The following ENPP3 variants were observed in gnomAD, a reference collection of about 807,000 sequenced individuals.
The protein encoded by ENPP3 is ectonucleotide pyrophosphatase/phosphodiesterase 3.
Under a neutral mutation model 117.8 loss-of-function variants are expected in ENPP3, and 104 were observed. That is an observed-to-expected ratio of 0.88 (90% CI 0.75 to 1.04). The LOEUF is 1.04. Among genes scored for constraint, ENPP3 ranks in the 50% least tolerant of loss-of-function variants. The probability of loss-of-function intolerance (pLI) is 0.00; values close to 1 mark genes in which losing one functional copy is unlikely to be tolerated. For synonymous variants in ENPP3, 380 were observed against 349.9 expected (o/e 1.09, Z -0.96); for missense variants, 1,026 against 1,051.9 (o/e 0.98, Z 0.34).
At chr6:131,720,063 A>G (rs1189803827) in intron 16 of ENPP3, among the ~76,000 whole-genome samples, 1 of 152,138 alleles carries the variant, frequency 6.6e-6, no homozygotes, top group East Asian at 1.9e-4. Context: ...GGTGCTATGG[A>G]GGTGGGTAGA....
chr6:131,730,194 A>G (rs1458705771), intron 20 of ENPP3, among the ~76,000 whole-genome samples: 1 of 152,226 alleles, frequency 6.6e-6, no homozygotes, highest in Non-Finnish European at 1.5e-5. Flanking sequence ...AGGAAATATC[A>G]AACTCACAAT....
chr6:131,720,871 T>G (rs1309368162), intron 17 of ENPP3, among the ~76,000 whole-genome samples: 1 of 152,112 alleles, frequency 6.6e-6, no homozygotes, highest in East Asian at 1.9e-4. Flanking sequence ...GGGCATGAGC[T>G]ACCATGCCCA....
chr6:131,688,424 G>A (rs556627708), intron 14 of ENPP3, among the ~76,000 whole-genome samples: 1 of 152,314 alleles, frequency 6.6e-6, no homozygotes, highest in African/African-American at 2.4e-5. Flanking sequence ...AATGAGGAAG[G>A]CATGTTGAAA....
intron 3 of ENPP3, among the ~76,000 whole-genome samples, chr6:131,652,159 T>C (rs1033773752): frequency 4.6e-5 from 7 of 152,234 alleles, no homozygotes; most frequent in Admixed American, 1.3e-4. Flanking sequence ...TGTCACCTTT[T>C]CTTCCTTGCT....
intron 15 of ENPP3, chr6:131,710,775 C>T (rs1585702310): frequency 2.5e-6 from 4 of 1,613,124 alleles, no homozygotes; most frequent in East Asian, 2.2e-5. Flanking sequence ...GTCCAGAAAG[C>T]GTTGCACCAA....
intron 18 of ENPP3, 111 bp from the exon 19 acceptor site, chr6:131,723,929 G>T (rs1780091485): frequency 1.5e-6 from 1 of 688,118 alleles, no homozygotes; most frequent in Non-Finnish European, 2.5e-6. Flanking sequence ...AGCTTCTTTG[G>T]CAGTATAACA....
At chr6:131,743,533 A>G (rs894677221) in intron 24 of ENPP3, among the ~76,000 whole-genome samples, 1 of 152,122 alleles carries the variant, frequency 6.6e-6, no homozygotes, top group East Asian at 1.9e-4. Context: ...ATGAAGTTAC[A>G]TTCTAAAGTC....
intron 24 of ENPP3, among the ~76,000 whole-genome samples, chr6:131,744,937 T>G (rs1042434516): frequency 2.0e-5 from 3 of 152,186 alleles, no homozygotes; most frequent in African/African-American, 7.2e-5. Context: ...AGCTGGCTTC[T>G]GTTCAGATTA....
chr6:131,675,182 TA>T lies in ENPP3; in HGVS notation c.866del (p.Tyr289SerfsTer15). Reference protein sequence around the residue: ...NGSFPSIYMPYNGSVPFEERI... With the variant: ...NGSFPSIYMPXNGSVPFEERI... ...CTCCTTTCCTTCCATATACATGCCT[TA>T]CAACGGGTAGTGAAGCACTTTCAGA... On this transcript the variant is annotated frameshift_variant, in exon 9 of 25. Coordinates refer to ENST00000357639, the MANE Select transcript of ENPP3 (RefSeq NM_005021.5). LOFTEE classifies it high-confidence loss of function. 1.3e-6 allele frequency: 2 copies of T among 1,569,150 alleles called. No homozygotes were observed. The highest frequency in any genetic ancestry group is 1.8e-6 in the Non-Finnish European group (2 of 1,139,178).
intron 5 of ENPP3, 112 bp downstream of exon 5, chr6:131,653,003 A>G: frequency 2.9e-6 from 2 of 680,460 alleles, no homozygotes; most frequent in South Asian, 4.1e-5. Flanking sequence ...ACATTTCAAA[A>G]CAGAATAGTC....
At chr6:131,638,475 C>T (rs1437825227) in intron 1 of ENPP3, 1 of 453,182 alleles carries the variant, frequency 2.2e-6, no homozygotes, top group Non-Finnish European at 4.4e-6. Context: ...GGGATCTCAC[C>T]TCACCACAAC....
At chr6:131,701,494 G>A (rs1229549536) in intron 15 of ENPP3, 2 of 603,144 alleles carry the variant, frequency 3.3e-6, no homozygotes, top group Non-Finnish European at 6.0e-6. Context: ...ACTCTTTGGT[G>A]AAGTAGAAAA....
intron 6 of ENPP3, among the ~76,000 whole-genome samples, chr6:131,668,594 C>T (rs530609608): frequency 6.6e-6 from 1 of 152,220 alleles, no homozygotes; most frequent in Admixed American, 6.5e-5. Flanking sequence ...CTTATAGTTC[C>T]TAGTTACTAT....
intron 14 of ENPP3, among the ~76,000 whole-genome samples, chr6:131,688,567 C>T (rs564008650): frequency 2.1e-4 from 32 of 152,202 alleles, no homozygotes; most frequent in African/African-American, 7.5e-4. Context: ...GTGAAACAGC[C>T]TCATTGCTGA....
chr6:131,694,255 A>G (rs1779352984), intron 15 of ENPP3, among the ~76,000 whole-genome samples: 2 of 152,182 alleles, frequency 1.3e-5, no homozygotes, highest in South Asian at 4.1e-4. Context: ...CCATTGATTC[A>G]ACGTTTTATT....
chr6:131,724,132 C>A, intron 19 of ENPP3, 41 bp downstream of exon 19: 1 of 1,392,378 alleles, frequency 7.2e-7, no homozygotes, highest in Non-Finnish European at 1.0e-6. Flanking sequence ...GATATTTAGA[C>A]CTAACAAAAC....
chr6:131,701,331 A>G (rs753718885), intron 15 of ENPP3: 15 of 1,613,126 alleles, frequency 9.3e-6, no homozygotes, highest in South Asian at 8.8e-5. Context: ...AAAGAGGAGC[A>G]TCTGAATCCT....
intron 15 of ENPP3, chr6:131,700,391 C>T: frequency 2.2e-6 from 1 of 453,224 alleles, no homozygotes; most frequent in Non-Finnish European, 3.6e-6. Context: ...AGAGGTCCCA[C>T]CAGTGCAGAG....
chr6:131,643,657 A>G (rs1562423870), intron 2 of ENPP3, among the ~76,000 whole-genome samples: 1 of 152,022 alleles, frequency 6.6e-6, no homozygotes, highest in Non-Finnish European at 1.5e-5. Flanking sequence ...GGCAATATGT[A>G]TTTTTTCTAA....
Sources: allele counts gnomAD v4.1 joint callset (sites outside exome capture counted in the v4.1 genomes callset), GRCh38; gene constraint gnomAD v4.1.1; transcripts MANE v1.5; gene names NCBI Gene and HGNC (gene_info 2026-07-23, HGNC 2026-07-21).